The following TBC1D12 variants were observed in gnomAD, a reference collection of about 807,000 sequenced individuals.
The protein encoded by TBC1D12 is TBC1 domain family, member 12.
TBC1D12 carries 56 observed loss-of-function variants against 86.7 expected under a neutral mutation model. The ratio of observed to expected loss-of-function variants is 0.65; its 90% CI spans 0.52 to 0.81. The LOEUF (loss-of-function observed/expected upper bound fraction) is 0.81. Among genes scored for constraint, TBC1D12 ranks in the 30% least tolerant of loss-of-function variants. The probability of loss-of-function intolerance (pLI) is 0.00; values close to 1 mark genes in which losing one functional copy is unlikely to be tolerated. For missense variants in TBC1D12, 1,023 were observed against 1,038.8 expected (o/e 0.98, Z 0.21); for synonymous variants, 421 against 411.7 (o/e 1.02, Z -0.27).
intron 2 of TBC1D12, among the ~76,000 whole-genome samples, chr10:94,452,041 C>CAT (rs1192942691): frequency 2.7e-5 from 4 of 150,564 alleles, no homozygotes; most frequent in South Asian, 4.2e-4. Context: ...ATTAGATCTG[C>CAT]ATATATATAT....
chr10:94,445,187 C>T (rs901682519), intron 2 of TBC1D12, among the ~76,000 whole-genome samples: 2 of 151,140 alleles, frequency 1.3e-5, no homozygotes, highest in Non-Finnish European at 3.0e-5. Flanking sequence ...GGTGAAACCC[C>T]GTCTCTACTA....
intron 1 of TBC1D12, among the ~76,000 whole-genome samples, chr10:94,410,782 T>TG (rs1225666666): frequency 3.9e-5 from 6 of 152,194 alleles, no homozygotes. Context: ...GATAAGTAAC[T>TG]TGGTTTTTGT....
intron 9 of TBC1D12, among the ~76,000 whole-genome samples, chr10:94,513,818 C>A (rs751242915): frequency 6.6e-6 from 1 of 152,100 alleles, no homozygotes; most frequent in South Asian, 2.1e-4. Context: ...ATTGGTCTCC[C>A]ATAGTGCTGG....
At chr10:94,404,769 C>G (rs2054828406) in intron 1 of TBC1D12, among the ~76,000 whole-genome samples, 1 of 151,778 alleles carries the variant, frequency 6.6e-6, no homozygotes, top group Non-Finnish European at 1.5e-5. Flanking sequence ...ACTTAATACA[C>G]CTTACTGTAA....
chr10:94,526,927 A>C (rs1177346620), intron 11 of TBC1D12, among the ~76,000 whole-genome samples: 1 of 152,162 alleles, frequency 6.6e-6, no homozygotes, highest in Non-Finnish European at 1.5e-5. Flanking sequence ...TAGCTATCCT[A>C]ACTGGGGTAA....
intron 2 of TBC1D12, among the ~76,000 whole-genome samples, chr10:94,471,328 T>C (rs942729424): frequency 7.2e-5 from 11 of 152,058 alleles, no homozygotes; most frequent in African/African-American, 2.7e-4. Flanking sequence ...TAAATTATAT[T>C]CTAGCTGCTT....
At chr10:94,459,869 C>T (rs1439495391) in intron 2 of TBC1D12, among the ~76,000 whole-genome samples, 1 of 152,182 alleles carries the variant, frequency 6.6e-6, no homozygotes, top group Non-Finnish European at 1.5e-5. Context: ...CGGTTCCTGC[C>T]TGCACCTCTC....
chr10:94,505,311 G>T (rs759062324), intron 6 of TBC1D12, among the ~76,000 whole-genome samples: 154 of 152,164 alleles, frequency 1.0e-3, no homozygotes, highest in Non-Finnish European at 1.9e-3. Context: ...TGGTGTGGTG[G>T]CTTACGCCTG....
intron 2 of TBC1D12, among the ~76,000 whole-genome samples, chr10:94,470,128 AG>A (rs1252552956): frequency 6.6e-6 from 1 of 152,106 alleles, no homozygotes; most frequent in Non-Finnish European, 1.5e-5. Flanking sequence ...CACGTGGAGG[AG>A]GGGAGAACTG....
In TBC1D12 at chr10:94,402,868, C is replaced by A; in HGVS notation, c.255C>A (p.Leu85=). 6.6e-7 allele frequency: 1 copy of A among 1,519,808 alleles called. No individual in the cohort carries two copies. 94.1% of individuals were successfully genotyped at this position (1,519,808 alleles called of 1,614,324 possible). The part of the protein sequence containing the change: ...AAAGEQLEPG[L]CYCPLPAGQA... ...CCGGGGAGCAGCTGGAGCCGGGGCT[C>A]TGCTACTGTCCGCTCCCCGCTGGCC... Residue 85 remains leucine (L), a synonymous_variant, in exon 1 of 13, where the codon CTC becomes CTA. Coordinates refer to ENST00000225235, the MANE Select transcript of TBC1D12 (RefSeq NM_015188.2).
chr10:94,524,653 C>A (rs1329787556), intron 11 of TBC1D12, among the ~76,000 whole-genome samples: 1 of 150,998 alleles, frequency 6.6e-6, no homozygotes, highest in Admixed American at 6.6e-5. Flanking sequence ...GTTGGAGAAT[C>A]CCTTGAACCA....
chr10:94,465,803 C>T (rs1355441018), intron 2 of TBC1D12, among the ~76,000 whole-genome samples: 2 of 150,610 alleles, frequency 1.3e-5, no homozygotes, highest in Non-Finnish European at 3.0e-5. Context: ...CGCATACATA[C>T]ATATACGCAT....
At chr10:94,419,301 TTATTTAG>T (rs2055044188) in intron 1 of TBC1D12, among the ~76,000 whole-genome samples, 4 of 152,234 alleles carry the variant, frequency 2.6e-5, no homozygotes, top group Admixed American at 2.6e-4. Context: ...AGTATATAGG[TTATTTAG>T]TATGATTCCA....
At chr10:94,492,829 A>G (rs538610878) in intron 3 of TBC1D12, among the ~76,000 whole-genome samples, 1 of 152,350 alleles carries the variant, frequency 6.6e-6, no homozygotes, top group South Asian at 2.1e-4. Flanking sequence ...ACAGGTATAT[A>G]CATTTGTCAA....
intron 1 of TBC1D12, among the ~76,000 whole-genome samples, chr10:94,413,060 C>A (rs905224861): frequency 2.0e-5 from 3 of 152,168 alleles, no homozygotes; most frequent in African/African-American, 7.2e-5. Flanking sequence ...ATAGGCAGGT[C>A]TCCTCAGGTA....
chr10:94,531,539 A>C, intron 12 of TBC1D12, 79 bp downstream of exon 12: 1 of 1,393,824 alleles, frequency 7.2e-7, no homozygotes, highest in South Asian at 1.9e-5. Flanking sequence ...ATTTCTTAAA[A>C]GTTAGTACTT....
At chr10:94,422,596 G>A (rs1390930314) in intron 1 of TBC1D12, among the ~76,000 whole-genome samples, 1 of 152,110 alleles carries the variant, frequency 6.6e-6, no homozygotes, top group Non-Finnish European at 1.5e-5. Flanking sequence ...ATTTTTAAGA[G>A]ATAGAGTCTT....
intron 2 of TBC1D12, among the ~76,000 whole-genome samples, chr10:94,467,181 ATTGCACAAGTGCTTTTCCT>A (rs1463489884): frequency 6.6e-6 from 1 of 152,154 alleles, no homozygotes; most frequent in Non-Finnish European, 1.5e-5. Flanking sequence ...AACTCAAATA[ATTGCACAAGTGCTTTTCCT>A]TTGCACAAGT....
chr10:94,430,655 G>A (rs2055203973), intron 1 of TBC1D12, among the ~76,000 whole-genome samples: 2 of 152,170 alleles, frequency 1.3e-5, no homozygotes. Flanking sequence ...ACAGATATGT[G>A]AAGCAAATGT....
Sources: allele counts gnomAD v4.1 joint callset (sites outside exome capture counted in the v4.1 genomes callset), GRCh38; gene constraint gnomAD v4.1.1; transcripts MANE v1.5; gene names NCBI Gene and HGNC (gene_info 2026-07-23, HGNC 2026-07-21).